The following CEACAM18 variants were observed in gnomAD, a reference collection of about 807,000 sequenced individuals.
The protein encoded by CEACAM18 is cell adhesion molecule CEACAM18.
A neutral mutation model predicts 34.3 loss-of-function variants in CEACAM18; 33 were observed. The observed-to-expected ratio is 0.96, with a 90% CI of 0.73 to 1.29. CEACAM18 has a LOEUF of 1.29. Among genes scored for constraint, CEACAM18 ranks in the 50% most tolerant of loss-of-function variants. CEACAM18 has a pLI of 0.00. For synonymous variants in CEACAM18, 169 were observed against 180.9 expected (o/e 0.93, Z 0.53); for missense variants, 474 against 485.0 (o/e 0.98, Z 0.21).
intron 4 of CEACAM18, among the ~76,000 whole-genome samples, chr19:51,483,847 G>A (rs73558844): frequency 0.032 from 4,938 of 152,294 alleles, 158 homozygotes; most frequent in African/African-American, 0.08. Flanking sequence ...CAGAAACTTG[G>A]CTTGGGAGTG....
At chr19:51,487,933 A>G (rs62115082) in intron 5 of CEACAM18, among the ~76,000 whole-genome samples, 24,739 of 152,266 alleles carry the variant, frequency 0.16, 2,168 homozygotes, top group Middle Eastern at 0.29. Context: ...GCTCATGGCT[A>G]TGAGATTGGA....
rs540677539 is a variant in CEACAM18 at position 51,478,761 on chromosome 19, C to T, written c.52+67C>T. ...GGAAGGGCAGCTAGGAGCAAAGCGG[C>T]GGGGAGGGGGCTGGGACCATCCCCA... On this transcript the variant is annotated intron_variant, in intron 1 of 5. Transcript: ENST00000396477. The T allele has an allele frequency of 2.3e-4, 278 of 1,185,568 alleles. 1 individual carries two copies. In the African/African-American group the frequency reaches 4.0e-3, roughly 17 times the overall value. 73.4% of individuals were successfully genotyped at this position (1,185,568 alleles called of 1,614,324 possible). A position where few individuals can be genotyped will look rare whatever the true frequency, so the allele number is the denominator to read the frequency against.
chr19:51,480,834 A>T (rs1989902332), intron 2 of CEACAM18, among the ~76,000 whole-genome samples, 154 bp downstream of exon 2: 1 of 152,102 alleles, frequency 6.6e-6, no homozygotes, highest in African/African-American at 2.4e-5. Flanking sequence ...GGGGGATCTG[A>T]GGGCTAGTGG....
intron 2 of CEACAM18, 140 bp from the exon 3 acceptor site, chr19:51,481,253 C>A: frequency 1.1e-6 from 1 of 910,200 alleles, no homozygotes; most frequent in Non-Finnish European, 1.6e-6. Flanking sequence ...CTGCCCTTCT[C>A]AGCTCCCTTG....
exon 6 of CEACAM18, chr19:51,490,712 C>G (rs1028860060): frequency 5.1e-6 from 5 of 972,556 alleles, no homozygotes; most frequent in African/African-American, 1.7e-5. Context: ...TGAAAAGGGT[C>G]CAGGGTCTCT....
chr19:51,482,961 G>T, intron 3 of CEACAM18, 56 bp from the exon 4 acceptor site: 2 of 1,584,178 alleles, frequency 1.3e-6, no homozygotes, highest in Non-Finnish European at 1.7e-6. Flanking sequence ...GACTTCATGA[G>T]ACGGGACGCC....
chr19:51,481,800 G>A (rs1989921334), intron 3 of CEACAM18, 135 bp downstream of exon 3: 1 of 902,226 alleles, frequency 1.1e-6, no homozygotes, highest in South Asian at 1.8e-5. Context: ...ACTCTGGATT[G>A]GAATCAGCTC....
At chr19:51,490,820 A>C in exon 6 of CEACAM18, 1 of 398,392 alleles carries the variant, frequency 2.5e-6, no homozygotes, top group Non-Finnish European at 4.4e-6. Flanking sequence ...CCGGGACCTG[A>C]AGATGATGTC....
exon 2 of CEACAM18, chr19:51,480,583 G>T (rs1989896106): frequency 3.7e-6 from 6 of 1,614,008 alleles, no homozygotes; most frequent in African/African-American, 1.3e-5. Context: ...GCAGCCTGTT[G>T]ATCAGGCCGA....
intron 5 of CEACAM18, among the ~76,000 whole-genome samples, chr19:51,485,487 G>A (rs1013162553): frequency 1.3e-5 from 2 of 152,188 alleles, no homozygotes; most frequent in Non-Finnish European, 2.9e-5. Context: ...GGGGAAACAG[G>A]TATCAGCGGT....
At chr19:51,484,897 G>A in intron 4 of CEACAM18, 90 bp from the exon 5 acceptor site, 6 of 1,453,126 alleles carry the variant, frequency 4.1e-6, no homozygotes, top group Non-Finnish European at 9.3e-7. Flanking sequence ...ACAAATCTTT[G>A]AAGAATGGAT....
chr19:51,491,018 G>C (rs939996294), downstream of CEACAM18: 1 of 173,512 alleles, frequency 5.8e-6, no homozygotes, highest in Non-Finnish European at 1.2e-5. Context: ...TTATGGCCAA[G>C]GGGTGCCAAT....
exon 3 of CEACAM18, chr19:51,481,556 G>C: frequency 6.2e-7 from 1 of 1,613,992 alleles, no homozygotes; most frequent in Middle Eastern, 1.6e-4. Flanking sequence ...CAGACGGCAA[G>C]ACCCTCGTCA....
chr19:51,485,479 G>A (rs1201251721), intron 5 of CEACAM18, among the ~76,000 whole-genome samples: 2 of 152,196 alleles, frequency 1.3e-5, no homozygotes, highest in African/African-American at 4.8e-5. Context: ...GTGAAGTTGG[G>A]GAAACAGGTA....
At chr19:51,488,011 A>T (rs1021407169) in intron 5 of CEACAM18, among the ~76,000 whole-genome samples, 1 of 152,208 alleles carries the variant, frequency 6.6e-6, no homozygotes, top group East Asian at 1.9e-4. Context: ...TAAACCAATT[A>T]TGTAGAATGT....
At chr19:51,481,155 A>G (rs1989908427) in intron 2 of CEACAM18, among the ~76,000 whole-genome samples, 1 of 152,184 alleles carries the variant, frequency 6.6e-6, no homozygotes, top group Non-Finnish European at 1.5e-5. Context: ...GTTTATGCCA[A>G]GAGCTCACCA....
intron 5 of CEACAM18, among the ~76,000 whole-genome samples, chr19:51,489,715 A>T (rs1350714287): frequency 1.3e-5 from 2 of 152,156 alleles, no homozygotes; most frequent in Non-Finnish European, 2.9e-5. Context: ...TGGAACTAAC[A>T]CTGGTCCAAA....
intron 5 of CEACAM18, among the ~76,000 whole-genome samples, chr19:51,485,949 TGA>T (rs1989992528): frequency 6.6e-6 from 1 of 152,188 alleles, no homozygotes; most frequent in Non-Finnish European, 1.5e-5. Flanking sequence ...TTGCCCTGGT[TGA>T]GAGTCAGTGG....
chr19:51,485,161 T>C, intron 5 of CEACAM18, 39 bp downstream of exon 5: 1 of 1,467,268 alleles, frequency 6.8e-7, no homozygotes, highest in Non-Finnish European at 9.0e-7. Flanking sequence ...GGATGTTGGC[T>C]GGGGGCTGGG....
Sources: gnomAD v4.1 joint callset for allele counts (sites outside exome capture counted in the v4.1 genomes callset) on GRCh38, gnomAD v4.1.1 for gene constraint, MANE v1.5 for transcripts, NCBI Gene and HGNC (gene_info 2026-07-23, HGNC 2026-07-21) for gene names.